Variants in AHCYL2 observed in about 807,000 individuals in gnomAD.
The protein encoded by AHCYL2 is adenosylhomocysteinase like 2, also known as S-adenosylhomocysteine hydrolase-like protein 2.
AHCYL2 carries 28 observed loss-of-function variants against 81.4 expected under a neutral mutation model. The observed-to-expected ratio is 0.34, with a 90% CI of 0.25 to 0.47. The LOEUF (loss-of-function observed/expected upper bound fraction) is 0.47, where lower values mean the gene tolerates loss of function less well. Ranked by LOEUF, AHCYL2 falls within the 20% of genes least tolerant of loss-of-function variation. The pLI is 1.00. For missense variants in AHCYL2, 551 were observed against 785.1 expected, an observed-to-expected ratio of 0.70 and a Z score of 3.56; for synonymous variants, 272 against 290.2, an observed-to-expected ratio of 0.94 and a Z score of 0.64.
At chr7:129,253,401 A>T (rs1218746413) in intron 1 of AHCYL2, among the ~76,000 whole-genome samples, 1 of 152,176 alleles carries the variant, frequency 6.6e-6, no homozygotes, top group Non-Finnish European at 1.5e-5. Flanking sequence ...TTACGGTAGC[A>T]CTGTGATAAG....
intron 1 of AHCYL2, among the ~76,000 whole-genome samples, chr7:129,227,671 T>C (rs1185248316): frequency 1.3e-5 from 2 of 151,842 alleles, no homozygotes; most frequent in Non-Finnish European, 2.9e-5. Context: ...AGTCTGTTTT[T>C]CTTAATTCTA....
At chr7:129,330,295 G>A (rs948606310) in intron 1 of AHCYL2, among the ~76,000 whole-genome samples, 8 of 152,158 alleles carry the variant, frequency 5.3e-5, no homozygotes, top group African/African-American at 1.9e-4. Flanking sequence ...GCTGCACCCT[G>A]CCCAAAAGCT....
intron 1 of AHCYL2, among the ~76,000 whole-genome samples, chr7:129,352,037 A>G (rs71548765): frequency 0.062 from 3,510 of 57,058 alleles, 72 homozygotes; most frequent in Admixed American, 0.18. Context: ...TCAATCCTGG[A>G]GTATAATTTT....
intron 1 of AHCYL2, among the ~76,000 whole-genome samples, chr7:129,339,452 T>A (rs930590111): frequency 6.6e-6 from 1 of 152,226 alleles, no homozygotes; most frequent in Non-Finnish European, 1.5e-5. Flanking sequence ...GACTGGTAAC[T>A]ATCTTTGTTA....
chr7:129,410,848 ATTGTAG>A (rs1796535302), intron 11 of AHCYL2, among the ~76,000 whole-genome samples: 1 of 152,174 alleles, frequency 6.6e-6, no homozygotes, highest in Non-Finnish European at 1.5e-5. Flanking sequence ...ATAAAAAAAA[ATTGTAG>A]TTGTAGCCTC....
chr7:129,413,637 G>A lies in AHCYL2; in HGVS notation c.1410G>A (p.Lys470=). Residue 470 remains lysine, a synonymous_variant, in exon 12 of 17, where the codon AAG becomes AAA. Transcript: ENST00000325006. ...VVTREHLDRM[K]NSCIVCNMGH... ...CCAGAGAGCACTTGGACCGTATGAA[G>A]AATAGCTGCATCGTTTGTAACATGG... The A allele has an allele frequency of 6.2e-7, 1 of 1,614,140 alleles. No homozygotes were observed. The highest frequency in any genetic ancestry group is 8.5e-7 in the Non-Finnish European group (1 of 1,180,032).
rs545554203 is a variant in AHCYL2 at position 129,313,649 on chromosome 7, AGT to A, written c.364-65988_364-65987del. ...ATAGTCAAGAAAAACAGATTGGGAT[AGT>A]ACAAAAGGATCGTTTCCAGAGGTAT... On this transcript the variant is annotated intron_variant, in intron 1 of 16. Transcript: ENST00000325006. 5.8e-4 allele frequency among the ~76,000 whole-genome samples: 89 copies of A among 152,354 alleles called. No homozygotes were observed. The South Asian group carries it at 9.1e-3, about 16-fold the overall frequency.
At chr7:129,331,761 G>A (rs890798377) in intron 1 of AHCYL2, among the ~76,000 whole-genome samples, 2 of 151,932 alleles carry the variant, frequency 1.3e-5, no homozygotes, top group African/African-American at 4.8e-5. Context: ...AGAACCTCTC[G>A]AACCCGGGAG....
chr7:129,243,444 A>G (rs1228721747), intron 1 of AHCYL2, among the ~76,000 whole-genome samples: 6 of 152,134 alleles, frequency 3.9e-5, no homozygotes, highest in Non-Finnish European at 7.4e-5. Flanking sequence ...TATAAAATTG[A>G]TTTTTTAAAA....
chr7:129,317,378 A>G (rs1390532233), intron 1 of AHCYL2, among the ~76,000 whole-genome samples: 2 of 152,200 alleles, frequency 1.3e-5, no homozygotes, highest in African/African-American at 4.8e-5. Flanking sequence ...TTAGAGGCAT[A>G]AAATTTATTG....
intron 1 of AHCYL2, among the ~76,000 whole-genome samples, chr7:129,306,734 G>C (rs1368596365): frequency 6.6e-6 from 1 of 152,098 alleles, no homozygotes; most frequent in Admixed American, 6.6e-5. Flanking sequence ...TGTGCTTCTT[G>C]GGAAGGCTTT....
chr7:129,394,649 T>C (rs1795638806), intron 4 of AHCYL2, among the ~76,000 whole-genome samples: 3 of 152,098 alleles, frequency 2.0e-5, no homozygotes, highest in African/African-American at 7.2e-5. Flanking sequence ...TTCTCCATGT[T>C]GGTCAGGCTG....
chr7:129,372,654 CA>C (rs200294206), intron 1 of AHCYL2, among the ~76,000 whole-genome samples: 2 of 150,174 alleles, frequency 1.3e-5, no homozygotes, highest in Non-Finnish European at 3.0e-5. Flanking sequence ...CTAAAAAGTA[CA>C]AAAAAAAATA....
chr7:129,356,353 G>C (rs1277278824), intron 1 of AHCYL2, among the ~76,000 whole-genome samples: 1 of 152,150 alleles, frequency 6.6e-6, no homozygotes, highest in Non-Finnish European at 1.5e-5. Context: ...GTGGCTGCTA[G>C]TTGTCTATTT....
chr7:129,261,580 T>C (rs1364321698), intron 1 of AHCYL2, among the ~76,000 whole-genome samples: 1 of 152,218 alleles, frequency 6.6e-6, no homozygotes, highest in Non-Finnish European at 1.5e-5. Context: ...TTGTTTTTCT[T>C]GGTGAACCCC....
intron 1 of AHCYL2, among the ~76,000 whole-genome samples, chr7:129,378,485 C>T (rs1315664062): frequency 6.6e-6 from 1 of 152,110 alleles, no homozygotes; most frequent in African/African-American, 2.4e-5. Flanking sequence ...CACACATTGT[C>T]TCATTGAACC....
At chr7:129,405,738 A>C (rs1796274273) in intron 8 of AHCYL2, 98 bp from the exon 9 acceptor site, 1 of 1,180,142 alleles carries the variant, frequency 8.5e-7, no homozygotes, top group East Asian at 2.5e-5. Context: ...AAAATGAAAA[A>C]CCAACCAAAA....
At chr7:129,322,737 G>A (rs879587072) in intron 1 of AHCYL2, among the ~76,000 whole-genome samples, 4 of 152,016 alleles carry the variant, frequency 2.6e-5, no homozygotes, top group Admixed American at 6.6e-5. Flanking sequence ...GGCTATAGGC[G>A]TGCATCACCA....
chr7:129,397,716 G>A (rs529247701), intron 5 of AHCYL2, among the ~76,000 whole-genome samples: 112 of 152,286 alleles, frequency 7.4e-4, no homozygotes, highest in African/African-American at 2.6e-3. Flanking sequence ...TTAATGTTTG[G>A]TGTTTCTGCT....
Sources: allele counts gnomAD v4.1 joint callset (sites outside exome capture counted in the v4.1 genomes callset), GRCh38; gene constraint gnomAD v4.1.1; transcripts MANE v1.5; gene names NCBI Gene and HGNC (gene_info 2026-07-23, HGNC 2026-07-21).